Variants in SAMMSON observed in about 807,000 individuals in gnomAD.
The protein encoded by SAMMSON is survival associated mitochondrial melanoma specific oncogenic non-coding RNA.
chr3:70,310,479 C>A (rs1272654462), intron 7 of SAMMSON, among the ~76,000 whole-genome samples: 1 of 152,050 alleles, frequency 6.6e-6, no homozygotes, highest in Non-Finnish European at 1.5e-5. Flanking sequence ...GATTATCCTG[C>A]CTCAGCCTCC....
At chr3:70,286,802 T>A (rs1243261501) in intron 6 of SAMMSON, among the ~76,000 whole-genome samples, 1 of 152,196 alleles carries the variant, frequency 6.6e-6, no homozygotes, top group Non-Finnish European at 1.5e-5. Flanking sequence ...TTCCTAGGTA[T>A]TTTATTCTCT....
chr3:70,349,764 A>G (rs956522994), intron 7 of SAMMSON, among the ~76,000 whole-genome samples: 2 of 152,192 alleles, frequency 1.3e-5, no homozygotes, highest in African/African-American at 4.8e-5. Flanking sequence ...TACTGTAGAC[A>G]GTATATTATG....
downstream of SAMMSON, among the ~76,000 whole-genome samples, chr3:70,391,171 A>G (rs931743364): frequency 6.6e-6 from 1 of 152,144 alleles, no homozygotes; most frequent in African/African-American, 2.4e-5. Context: ...TGCTGTTGCT[A>G]TTTTGCTTAA....
intron 7 of SAMMSON, among the ~76,000 whole-genome samples, chr3:70,340,892 A>G (rs1280120967): frequency 6.6e-6 from 1 of 152,104 alleles, no homozygotes. Flanking sequence ...CTCTTGGTGA[A>G]TAATCAAAGC....
At chr3:70,339,173 T>C (rs1003597036) in intron 7 of SAMMSON, among the ~76,000 whole-genome samples, 10 of 152,186 alleles carry the variant, frequency 6.6e-5, no homozygotes, top group East Asian at 3.9e-4. Context: ...ATTTAATAAA[T>C]GGTGCTGGGA....
chr3:70,331,035 C>G (rs911394367), intron 7 of SAMMSON, among the ~76,000 whole-genome samples: 4 of 152,156 alleles, frequency 2.6e-5, no homozygotes, highest in South Asian at 4.2e-4. Flanking sequence ...TGCATAAAAA[C>G]CCTGTGGTGA....
At position 70,017,509 on chromosome 3, in the gene SAMMSON, T is replaced by C. The variant is rs376203429; in HGVS notation, n.417+3837T>C. ...CTGAGACGATGGGGTTTTCTAGATA[T>C]ACAATCATGTCATCTGCAAACAGGG... On this transcript the variant is annotated intron_variant and non_coding_transcript_variant, in intron 3 of 9. Transcript: ENST00000642114. Among the ~76,000 whole-genome samples, 24 of 152,290 alleles carry C rather than the reference T, an allele frequency of 1.6e-4. No individual in the cohort carries two copies. The East Asian group carries it at 4.2e-3, about 27-fold the overall frequency.
intron 4 of SAMMSON, among the ~76,000 whole-genome samples, chr3:70,242,393 T>C (rs1559543076): frequency 6.6e-6 from 1 of 151,062 alleles, no homozygotes; most frequent in East Asian, 1.9e-4. Flanking sequence ...GTGGAAAATT[T>C]CTTTTTGTAG....
rs1006133228 is a variant in SAMMSON, at chr3:70,023,161, T to C, written n.417+9489T>C. The stretch of plus-strand genomic sequence containing the variant: ...TTCCAGTCTCAAAGACTAGGAATCT[T>C]ATATGTTTCTTTAGGCCAGGCACGG... On this transcript the variant is annotated intron_variant and non_coding_transcript_variant, in intron 3 of 9. Coordinates refer to ENST00000642114, the Ensembl canonical transcript of SAMMSON. 1.1e-4 allele frequency among the ~76,000 whole-genome samples: 16 copies of C among 152,224 alleles called. 1 individual carries two copies. The highest frequency in any genetic ancestry group is 5.8e-4 in the East Asian group (3 of 5,176).
At chr3:70,230,174 A>C (rs1326155457) in intron 4 of SAMMSON, among the ~76,000 whole-genome samples, 2 of 152,216 alleles carry the variant, frequency 1.3e-5, no homozygotes, top group Non-Finnish European at 2.9e-5. Context: ...CACAAGAGCC[A>C]TCCATTTAAC....
At chr3:70,071,166 A>T (rs1053109115) in intron 3 of SAMMSON, among the ~76,000 whole-genome samples, 2 of 152,016 alleles carry the variant, frequency 1.3e-5, no homozygotes, top group Non-Finnish European at 2.9e-5. Flanking sequence ...ATTTGTAATT[A>T]TGCATCACAA....
intron 6 of SAMMSON, among the ~76,000 whole-genome samples, chr3:70,279,697 C>T (rs932104236): frequency 2.0e-5 from 3 of 152,168 alleles, no homozygotes; most frequent in African/African-American, 7.2e-5. Context: ...TGCAAACACA[C>T]ACCCTGGGGT....
chr3:70,004,779 CAT>C (rs79538592), intron 1 of SAMMSON, among the ~76,000 whole-genome samples: 14,380 of 152,224 alleles, frequency 0.094, 967 homozygotes, highest in African/African-American at 0.17. Flanking sequence ...GATAATGAGA[CAT>C]AAAGTTTTGT....
chr3:70,289,117 G>T (rs1196576426), intron 6 of SAMMSON, among the ~76,000 whole-genome samples: 2 of 150,700 alleles, frequency 1.3e-5, no homozygotes, highest in South Asian at 2.1e-4. Context: ...GTTAGCTGGT[G>T]ATTTTGCTCG....
At chr3:70,313,814 C>G (rs1702475785) in intron 7 of SAMMSON, among the ~76,000 whole-genome samples, 1 of 152,072 alleles carries the variant, frequency 6.6e-6, no homozygotes, top group African/African-American at 2.4e-5. Context: ...TTTTGTTTCT[C>G]CCATTATTAA....
chr3:70,060,189 C>T (rs994133225), intron 3 of SAMMSON, among the ~76,000 whole-genome samples: 26 of 152,234 alleles, frequency 1.7e-4, no homozygotes, highest in Middle Eastern at 3.4e-3. Flanking sequence ...TGAGTGCCCA[C>T]TTCATGCCAG....
intron 9 of SAMMSON, among the ~76,000 whole-genome samples, chr3:70,387,993 GT>G (rs1262704707): frequency 2.6e-5 from 4 of 151,876 alleles, no homozygotes; most frequent in African/African-American, 9.7e-5. Flanking sequence ...TTTTGGTTTT[GT>G]TTGTTTGTTA....
chr3:70,184,381 T>C (rs1275103703), intron 4 of SAMMSON, among the ~76,000 whole-genome samples: 1 of 152,162 alleles, frequency 6.6e-6, no homozygotes, highest in Non-Finnish European at 1.5e-5. Flanking sequence ...AGAGTGCTTT[T>C]TCCATAAAGT....
chr3:70,343,453 T>C (rs1702726945), intron 7 of SAMMSON, among the ~76,000 whole-genome samples: 2 of 152,112 alleles, frequency 1.3e-5, no homozygotes, highest in Admixed American at 6.6e-5. Context: ...GACTTCTGGT[T>C]AGGTATTTTG....
Sources: gnomAD v4.1 joint callset for allele counts (sites outside exome capture counted in the v4.1 genomes callset) on GRCh38, gnomAD v4.1.1 for gene constraint, MANE v1.5 for transcripts, NCBI Gene and HGNC (gene_info 2026-07-23, HGNC 2026-07-21) for gene names.